SLC4A4: variants seen among roughly 807,000 people sequenced by gnomAD.
SLC4A4 encodes the protein electrogenic sodium bicarbonate cotransporter 1.
SLC4A4 carries 27 observed loss-of-function variants against 111.5 expected under a neutral mutation model. That is an observed-to-expected ratio of 0.24 (90% CI 0.18 to 0.33). SLC4A4 has a LOEUF of 0.33. Among genes scored for constraint, SLC4A4 ranks in the 10% least tolerant of loss-of-function variants. The pLI is 1.00. For missense variants in SLC4A4, 909 were observed against 1,315.5 expected (o/e 0.69, Z 4.78); for synonymous variants, 443 against 463.4 (o/e 0.96, Z 0.57).
intron 3 of SLC4A4, among the ~76,000 whole-genome samples, chr4:71,279,848 C>T (rs1009156812): frequency 6.6e-5 from 10 of 151,932 alleles, no homozygotes; most frequent in South Asian, 2.1e-4. Context: ...CAGGCTGGAG[C>T]GCAGTGGCAT....
intron 2 of SLC4A4, 83 bp from the exon 3 acceptor site, chr4:71,255,137 C>G: frequency 1.6e-6 from 2 of 1,252,634 alleles, no homozygotes; most frequent in Non-Finnish European, 2.3e-6. Context: ...TAGACATTTT[C>G]TTCTGATCTG....
intron 2 of SLC4A4, among the ~76,000 whole-genome samples, chr4:71,146,107 A>G (rs1408091294): frequency 6.6e-6 from 1 of 152,172 alleles, no homozygotes; most frequent in Non-Finnish European, 1.5e-5. Context: ...TTTCCTCTAC[A>G]CACCGCTTTG....
At chr4:71,294,576 C>T (rs2602056) in intron 3 of SLC4A4, among the ~76,000 whole-genome samples, 4,936 of 152,200 alleles carry the variant, frequency 0.032, 283 homozygotes, top group African/African-American at 0.11. Context: ...AGAGCATTCC[C>T]GAACTCATGA....
intron 3 of SLC4A4, among the ~76,000 whole-genome samples, chr4:71,333,289 G>T (rs896724279): frequency 6.6e-6 from 1 of 152,220 alleles, no homozygotes; most frequent in African/African-American, 2.4e-5. Flanking sequence ...CAGACTTGCA[G>T]GTTTACCACC....
At chr4:71,467,299 C>T (rs1246097690) in intron 13 of SLC4A4, among the ~76,000 whole-genome samples, 6 of 152,104 alleles carry the variant, frequency 3.9e-5, no homozygotes, top group African/African-American at 7.2e-5. Context: ...ATGAAAGAGA[C>T]TGGATGCTCT....
chr4:71,212,410 C>T (rs1327364430), intron 1 of SLC4A4, among the ~76,000 whole-genome samples: 1 of 152,194 alleles, frequency 6.6e-6, no homozygotes, highest in Non-Finnish European at 1.5e-5. Flanking sequence ...GGAAGAGGCC[C>T]AGGCCTCTGG....
intron 4 of SLC4A4, among the ~76,000 whole-genome samples, chr4:71,346,286 T>C (rs1380958681): frequency 6.6e-6 from 1 of 152,088 alleles, no homozygotes; most frequent in African/African-American, 2.4e-5. Context: ...TCCTCCAAGG[T>C]TAAAACGGTT....
intron 1 of SLC4A4, chr4:71,236,111 ATGTG>A (rs1461498957): frequency 2.0e-6 from 2 of 1,016,514 alleles, no homozygotes; most frequent in East Asian, 9.3e-5. Flanking sequence ...GTGGGTGTGC[ATGTG>A]TGTGTGTGTG....
chr4:71,363,904 TTATTATGGC>T (rs1238280536), intron 6 of SLC4A4, among the ~76,000 whole-genome samples: 1 of 152,238 alleles, frequency 6.6e-6, no homozygotes, highest in Non-Finnish European at 1.5e-5. Context: ...ATAACAGTAA[TTATTATGGC>T]TATTGTTATT....
intron 10 of SLC4A4, among the ~76,000 whole-genome samples, chr4:71,450,802 A>C (rs1306872053): frequency 2.0e-5 from 3 of 152,204 alleles, no homozygotes; most frequent in African/African-American, 7.2e-5. Context: ...AATGTATCAC[A>C]GACATGCTTT....
rs530323483 is a variant in SLC4A4, at chr4:71,485,285, T to C, written c.1904-1663T>C. ...GCTGTGGGTTTGTCATATATGTCTC[T>C]TATTATTTTGAAGTATGTTCCTTCA... On this transcript the variant is annotated intron_variant, in intron 14 of 25. Transcript: ENST00000264485. 3.7e-4 allele frequency among the ~76,000 whole-genome samples: 56 copies of C among 151,908 alleles called. No individual in the cohort carries two copies. In the South Asian group the frequency reaches 0.01, roughly 28 times the overall value.
chr4:71,389,396 A>G (rs907202873), intron 6 of SLC4A4, among the ~76,000 whole-genome samples: 1 of 152,150 alleles, frequency 6.6e-6, no homozygotes, highest in Non-Finnish European at 1.5e-5. Context: ...GACTTATTTT[A>G]GTTTCTCCCA....
At chr4:71,109,148 T>C (rs1189958225) in intron 2 of SLC4A4, among the ~76,000 whole-genome samples, 1 of 152,034 alleles carries the variant, frequency 6.6e-6, no homozygotes, top group African/African-American at 2.4e-5. Flanking sequence ...GCTGTTTTTG[T>C]TTTTGTTTTT....
intron 3 of SLC4A4, among the ~76,000 whole-genome samples, chr4:71,303,929 C>T (rs1010976226): frequency 4.7e-4 from 71 of 152,286 alleles, no homozygotes; most frequent in African/African-American, 1.6e-3. Context: ...CTATTATATT[C>T]TTGATTCTGT....
At chr4:71,484,275 TACGTTG>T (rs1729164576) in intron 14 of SLC4A4, among the ~76,000 whole-genome samples, 1 of 151,884 alleles carries the variant, frequency 6.6e-6, no homozygotes, top group Non-Finnish European at 1.5e-5. Context: ...TGGTATTGCC[TACGTTG>T]TCTTCTAGGG....
chr4:71,371,479 G>A (rs1342328403), intron 6 of SLC4A4, among the ~76,000 whole-genome samples: 1 of 151,800 alleles, frequency 6.6e-6, no homozygotes, highest in Non-Finnish European at 1.5e-5. Flanking sequence ...CCTGACCTCA[G>A]GTGATCCACC....
At chr4:71,239,743 A>G (rs1181949588) in intron 2 of SLC4A4, among the ~76,000 whole-genome samples, 1 of 152,210 alleles carries the variant, frequency 6.6e-6, no homozygotes, top group African/African-American at 2.4e-5. Flanking sequence ...CTCTTTCAAA[A>G]TGAAACCAAG....
intron 7 of SLC4A4, among the ~76,000 whole-genome samples, chr4:71,422,198 A>C (rs1476370571): frequency 7.0e-6 from 1 of 143,420 alleles, no homozygotes; most frequent in Non-Finnish European, 1.5e-5. Flanking sequence ...ATCAGAGAAT[A>C]CTACAAACAC....
At chr4:71,288,872 C>T (rs1724119101) in intron 3 of SLC4A4, among the ~76,000 whole-genome samples, 1 of 152,158 alleles carries the variant, frequency 6.6e-6, no homozygotes, top group Non-Finnish European at 1.5e-5. Context: ...TTAAAAAAAT[C>T]AATCCTAATT....
Sources: gnomAD v4.1 joint callset for allele counts (sites outside exome capture counted in the v4.1 genomes callset) on GRCh38, gnomAD v4.1.1 for gene constraint, MANE v1.5 for transcripts, NCBI Gene and HGNC (gene_info 2026-07-23, HGNC 2026-07-21) for gene names.